Variants in MAGI2 observed in about 807,000 individuals in gnomAD.
MAGI2 encodes membrane-associated guanylate kinase, WW and PDZ domain-containing protein 2.
In MAGI2, 35 loss-of-function variants were observed where a neutral mutation model predicts 133.3. The ratio of observed to expected loss-of-function variants is 0.26; its 90% CI spans 0.20 to 0.35. The LOEUF is 0.35. MAGI2 is among the 10% of genes least tolerant of loss of function. The pLI is 1.00. For synonymous variants in MAGI2, 729 were observed against 710.6 expected, an observed-to-expected ratio of 1.03 and a Z score of -0.41; for missense variants, 1,636 against 1,863.4, an observed-to-expected ratio of 0.88 and a Z score of 2.25.
chr7:78,358,841 A>G (rs780785703), intron 7 of MAGI2: 12 of 175,658 alleles, frequency 6.8e-5, no homozygotes, highest in Non-Finnish European at 1.3e-4. Context: ...TGACAAATAC[A>G]CAGAGGTCCT....
intron 1 of MAGI2, among the ~76,000 whole-genome samples, chr7:79,198,022 G>A (rs548465303): frequency 6.6e-6 from 1 of 151,890 alleles, no homozygotes; most frequent in African/African-American, 2.4e-5. Flanking sequence ...CAAGGAGAGA[G>A]GATCACTTGA....
chr7:79,012,581 G>T (rs1017413893), intron 1 of MAGI2, among the ~76,000 whole-genome samples: 4 of 151,982 alleles, frequency 2.6e-5, no homozygotes, highest in Admixed American at 2.6e-4. Context: ...TAACATACAA[G>T]GCCATGAAAC....
chr7:78,481,299 C>T (rs564358205), intron 6 of MAGI2, among the ~76,000 whole-genome samples: 22 of 151,898 alleles, frequency 1.4e-4, no homozygotes, highest in Non-Finnish European at 2.5e-4. Flanking sequence ...TCTTACATGG[C>T]GACAGGTGAG....
chr7:79,240,367 A>AAG (rs1037162211), intron 1 of MAGI2, among the ~76,000 whole-genome samples: 1 of 152,004 alleles, frequency 6.6e-6, no homozygotes, highest in African/African-American at 2.4e-5. Context: ...TGAAAAAAAA[A>AAG]AAAAAAAGAA....
At chr7:78,813,785 CAAAAAAA>C (rs36107160) in intron 2 of MAGI2, among the ~76,000 whole-genome samples, 1 of 96,802 alleles carries the variant, frequency 1.0e-5, no homozygotes, top group African/African-American at 4.1e-5. Flanking sequence ...GATTCTGTCT[CAAAAAAA>C]AAAAAAAAAA....
chr7:78,908,982 G>A, intron 2 of MAGI2, among the ~76,000 whole-genome samples: 1 of 152,062 alleles, frequency 6.6e-6, no homozygotes, highest in East Asian at 1.9e-4. Context: ...TTAAACTAAA[G>A]AGTTTCTGCA....
intron 6 of MAGI2, among the ~76,000 whole-genome samples, chr7:78,448,668 A>T (rs889347314): frequency 1.3e-5 from 2 of 152,104 alleles, no homozygotes; most frequent in Admixed American, 6.6e-5. Flanking sequence ...GGTCCTCAAA[A>T]TGAGACCTTC....
chr7:79,054,979 G>C (rs2117019663), intron 1 of MAGI2, among the ~76,000 whole-genome samples: 1 of 152,240 alleles, frequency 6.6e-6, no homozygotes, highest in African/African-American at 2.4e-5. Flanking sequence ...TTTTAGTAAA[G>C]ACGGGGTTTC....
intron 2 of MAGI2, among the ~76,000 whole-genome samples, chr7:78,789,031 T>C (rs1479220016): frequency 6.6e-6 from 1 of 152,178 alleles, no homozygotes; most frequent in Non-Finnish European, 1.5e-5. Context: ...TCCCTGCACA[T>C]TCTTCTTCTC....
chr7:79,313,977 A>G (rs1036116016), intron 1 of MAGI2, among the ~76,000 whole-genome samples: 1 of 150,388 alleles, frequency 6.6e-6, no homozygotes, highest in African/African-American at 2.4e-5. Context: ...TAATTTTTGT[A>G]TTTATTTTAT....
intron 2 of MAGI2, among the ~76,000 whole-genome samples, chr7:78,758,348 C>G (rs529876845): frequency 1.3e-5 from 2 of 152,044 alleles, no homozygotes; most frequent in South Asian, 4.2e-4. Context: ...ACTTGTAGTA[C>G]GAATGAAGTA....
intron 2 of MAGI2, among the ~76,000 whole-genome samples, chr7:78,958,123 T>C (rs1802553012): frequency 6.6e-6 from 1 of 152,176 alleles, no homozygotes; most frequent in Admixed American, 6.6e-5. Context: ...TTATCTTCTT[T>C]GAAGCCCTGC....
At chr7:78,709,293 C>T (rs550905281) in intron 2 of MAGI2, among the ~76,000 whole-genome samples, 2 of 151,862 alleles carry the variant, frequency 1.3e-5, no homozygotes, top group Admixed American at 6.6e-5. Flanking sequence ...CCCACCCCCA[C>T]TCCACACACA....
At chr7:78,968,231 G>C (rs1462484571) in intron 2 of MAGI2, among the ~76,000 whole-genome samples, 4 of 151,970 alleles carry the variant, frequency 2.6e-5, no homozygotes, top group Admixed American at 2.6e-4. Context: ...TTGGCTCTGT[G>C]GGGTCCTTTA....
intron 1 of MAGI2, among the ~76,000 whole-genome samples, chr7:79,180,836 T>A (rs1226465980): frequency 6.6e-6 from 1 of 151,872 alleles, no homozygotes; most frequent in Admixed American, 6.6e-5. Flanking sequence ...GGTACAGGCA[T>A]TGGGTAAATA....
chr7:78,470,548 C>A (rs1378159905), intron 6 of MAGI2, among the ~76,000 whole-genome samples: 2 of 151,914 alleles, frequency 1.3e-5, no homozygotes, highest in Non-Finnish European at 2.9e-5. Flanking sequence ...CTTTTTCGTT[C>A]ACCATTTCCT....
rs143134748 is a variant in MAGI2, at chr7:79,063,699, C to G, written c.302-56493G>C. Among the ~76,000 whole-genome samples, 46 of 152,046 alleles carry G rather than the reference C, an allele frequency of 3.0e-4. No homozygotes were observed. In the East Asian group the frequency reaches 7.0e-3, roughly 23 times the overall value. On this transcript the variant is annotated intron_variant, in intron 1 of 21. Transcript: ENST00000354212. ...AGTTGAATTTCCTTTAGGATATTAC[C>G]ATACCTATTTTCCTAAGCTAAACAT...
At chr7:78,143,829 T>A (rs1038920452) in intron 16 of MAGI2, among the ~76,000 whole-genome samples, 3 of 152,128 alleles carry the variant, frequency 2.0e-5, no homozygotes, top group Admixed American at 2.0e-4. Context: ...ATTTTTGTGA[T>A]GTTGCTTCAT....
intron 6 of MAGI2, among the ~76,000 whole-genome samples, chr7:78,454,372 G>A (rs1360457583): frequency 1.3e-5 from 2 of 152,068 alleles, no homozygotes; most frequent in African/African-American, 4.8e-5. Context: ...TTTAAGACCT[G>A]ATTTCAGTAC....
Sources: allele counts gnomAD v4.1 joint callset (sites outside exome capture counted in the v4.1 genomes callset), GRCh38; gene constraint gnomAD v4.1.1; transcripts MANE v1.5; gene names NCBI Gene and HGNC (gene_info 2026-07-23, HGNC 2026-07-21).